Variants in RBFOX1 observed in about 807,000 individuals in gnomAD.
RBFOX1 encodes RNA binding fox-1 homolog 1.
Under a neutral mutation model 57.7 loss-of-function variants are expected in RBFOX1, and 8 were observed. The observed-to-expected ratio is 0.14, with a 90% CI of 0.08 to 0.25. RBFOX1 has a LOEUF of 0.25. Ranked by LOEUF, RBFOX1 falls within the 10% of genes least tolerant of loss-of-function variation. The probability of loss-of-function intolerance (pLI) is 1.00; values close to 1 mark genes in which losing one functional copy is unlikely to be tolerated. For missense variants in RBFOX1, 611 were observed against 548.5 expected (o/e 1.11, Z -1.14); for synonymous variants, 326 against 222.4 (o/e 1.47, Z -4.15).
chr16:5,356,640 A>C (rs1348001322), intron 1 of RBFOX1, among the ~76,000 whole-genome samples: 2 of 152,204 alleles, frequency 1.3e-5, no homozygotes, highest in African/African-American at 4.8e-5. Context: ...TAAATGAATG[A>C]GCGAACACCA....
intron 4 of RBFOX1, among the ~76,000 whole-genome samples, chr16:7,279,407 G>A (rs557756624): frequency 6.6e-5 from 10 of 152,194 alleles, no homozygotes; most frequent in East Asian, 3.9e-4. Flanking sequence ...TTCTCTGTGC[G>A]TAAGCCAGGC....
chr16:6,138,204 C>T (rs533892783), intron 1 of RBFOX1, among the ~76,000 whole-genome samples: 2 of 152,184 alleles, frequency 1.3e-5, no homozygotes, highest in African/African-American at 4.8e-5. Flanking sequence ...GCGGTCTGGG[C>T]CCCTGCCCAG....
intron 3 of RBFOX1, among the ~76,000 whole-genome samples, chr16:5,772,255 C>T (rs548767190): frequency 2.0e-5 from 3 of 152,298 alleles, no homozygotes; most frequent in East Asian, 1.9e-4. Flanking sequence ...GGAAGAAGAG[C>T]ATCCACAATA....
At chr16:5,776,114 A>G (rs2054138943) in intron 3 of RBFOX1, among the ~76,000 whole-genome samples, 1 of 152,256 alleles carries the variant, frequency 6.6e-6, no homozygotes. Context: ...ATAATGGATA[A>G]TTAAGTGAGT....
intron 4 of RBFOX1, among the ~76,000 whole-genome samples, chr16:7,284,912 C>T (rs570435176): frequency 2.3e-4 from 35 of 152,178 alleles, no homozygotes; most frequent in African/African-American, 6.3e-4. Context: ...CTCTTTCTTA[C>T]ATCCTTGCCA....
intron 3 of RBFOX1, among the ~76,000 whole-genome samples, chr16:5,621,188 G>A (rs2048191192): frequency 6.6e-6 from 1 of 152,052 alleles, no homozygotes; most frequent in Non-Finnish European, 1.5e-5. Flanking sequence ...GTGTTTCCCG[G>A]CTGGTCTCAA....
chr16:6,547,286 G>T (rs1165881534), intron 2 of RBFOX1, among the ~76,000 whole-genome samples: 1 of 152,112 alleles, frequency 6.6e-6, no homozygotes, highest in Non-Finnish European at 1.5e-5. Context: ...CCCGGCTGGT[G>T]ATTTATAATC....
intron 2 of RBFOX1, among the ~76,000 whole-genome samples, chr16:5,574,040 C>T (rs996651627): frequency 2.0e-5 from 3 of 152,188 alleles, no homozygotes; most frequent in African/African-American, 4.8e-5. Flanking sequence ...GATTTGCCCC[C>T]GATGCCATTC....
chr16:6,816,807 C>T (rs1368375691), intron 3 of RBFOX1, among the ~76,000 whole-genome samples: 2 of 151,764 alleles, frequency 1.3e-5, no homozygotes, highest in Non-Finnish European at 2.9e-5. Context: ...TGCAGTGATG[C>T]AATCATATCT....
chr16:6,919,769 C>CTT (rs57240620), intron 3 of RBFOX1, among the ~76,000 whole-genome samples: 29,036 of 123,396 alleles, frequency 0.24, 3,662 homozygotes, highest in Middle Eastern at 0.27. Context: ...TAAGATCATT[C>CTT]TTTTTTTTTT....
intron 12 of RBFOX1, among the ~76,000 whole-genome samples, chr16:7,657,906 A>G (rs561068895): frequency 2.0e-5 from 3 of 152,338 alleles, no homozygotes; most frequent in South Asian, 4.2e-4. Flanking sequence ...TACATAGCCT[A>G]TGGAATTTTA....
At chr16:7,644,073 G>T (rs1191174040) in intron 11 of RBFOX1, among the ~76,000 whole-genome samples, 1 of 152,192 alleles carries the variant, frequency 6.6e-6, no homozygotes, top group African/African-American at 2.4e-5. Context: ...TCTCTAAGAA[G>T]CAGAGAGAGA....
intron 1 of RBFOX1, among the ~76,000 whole-genome samples, chr16:6,147,127 T>C (rs73529952): frequency 0.041 from 6,266 of 152,162 alleles, 403 homozygotes; most frequent in African/African-American, 0.14. Context: ...GCCAGAGAAA[T>C]ACTTTGTTGA....
chr16:6,631,401 G>A (rs776627177), intron 2 of RBFOX1, among the ~76,000 whole-genome samples: 1 of 151,284 alleles, frequency 6.6e-6, no homozygotes, highest in Non-Finnish European at 1.5e-5. Context: ...TTTTTATTAT[G>A]AAACATATTT....
intron 11 of RBFOX1, among the ~76,000 whole-genome samples, chr16:7,646,919 C>T (rs1048347421): frequency 1.3e-5 from 2 of 152,034 alleles, no homozygotes; most frequent in African/African-American, 4.8e-5. Context: ...ACATTGAGTG[C>T]AGGGCTCATT....
intron 3 of RBFOX1, among the ~76,000 whole-genome samples, chr16:7,035,308 C>G (rs1394718695): frequency 6.6e-6 from 1 of 152,130 alleles, no homozygotes; most frequent in Non-Finnish European, 1.5e-5. Flanking sequence ...GCCCATTTGA[C>G]TGTGGTGCTG....
chr16:6,927,586 G>C (rs965887783), intron 3 of RBFOX1, among the ~76,000 whole-genome samples: 1 of 151,866 alleles, frequency 6.6e-6, no homozygotes, highest in African/African-American at 2.4e-5. Flanking sequence ...GCTGTGTCCT[G>C]TGTGCCTGGA....
chr16:6,827,398 G>A (rs1433702862), intron 3 of RBFOX1, among the ~76,000 whole-genome samples: 1 of 152,122 alleles, frequency 6.6e-6, no homozygotes, highest in Non-Finnish European at 1.5e-5. Flanking sequence ...TATCGCTGGA[G>A]GGGAAGTGCT....
intron 1 of RBFOX1, among the ~76,000 whole-genome samples, chr16:5,451,897 C>G (rs1446332578): frequency 1.3e-5 from 2 of 152,162 alleles, no homozygotes; most frequent in East Asian, 1.9e-4. Flanking sequence ...TGATACCTAC[C>G]TTCCCTACCT....
Sources: allele counts gnomAD v4.1 joint callset (sites outside exome capture counted in the v4.1 genomes callset), GRCh38; gene constraint gnomAD v4.1.1; transcripts MANE v1.5; gene names NCBI Gene and HGNC (gene_info 2026-07-23, HGNC 2026-07-21).